GPATCH8: variants seen among roughly 807,000 people sequenced by gnomAD.
The protein encoded by GPATCH8 is G-patch domain containing 8.
GPATCH8 carries 18 observed loss-of-function variants against 118.3 expected under a neutral mutation model. The ratio of observed to expected loss-of-function variants is 0.15; its 90% CI spans 0.11 to 0.23. GPATCH8 has a LOEUF of 0.23. Among genes scored for constraint, GPATCH8 ranks in the 10% least tolerant of loss-of-function variants. The pLI, the probability that GPATCH8 is intolerant of heterozygous loss-of-function variation, is 1.00. For missense variants in GPATCH8, 1,631 were observed against 1,873.8 expected, an observed-to-expected ratio of 0.87 and a Z score of 2.39; for synonymous variants, 659 against 684.7, an observed-to-expected ratio of 0.96 and a Z score of 0.59.
At chr17:44,502,170 A>G (rs775579755) in intron 1 of GPATCH8, among the ~76,000 whole-genome samples, 1 of 152,084 alleles carries the variant, frequency 6.6e-6, no homozygotes, top group Non-Finnish European at 1.5e-5. Flanking sequence ...AAATTGTTAA[A>G]CTGCTTTACC....
intron 2 of GPATCH8, 182 bp downstream of exon 2, chr17:44,474,646 TC>T (rs1227091276): frequency 5.9e-6 from 4 of 683,226 alleles, no homozygotes; most frequent in Admixed American, 2.1e-5. Flanking sequence ...TGGACTGATT[TC>T]CCAACATATT....
chr17:44,445,447 T>C (rs747549039), intron 3 of GPATCH8, among the ~76,000 whole-genome samples: 55 of 152,088 alleles, frequency 3.6e-4, no homozygotes, highest in Non-Finnish European at 6.3e-4. Context: ...CCTATATACA[T>C]GTAGGTAGAC....
intron 6 of GPATCH8, among the ~76,000 whole-genome samples, chr17:44,421,009 C>T (rs1031621777): frequency 6.6e-6 from 1 of 152,028 alleles, no homozygotes; most frequent in East Asian, 2.0e-4. Context: ...GGCCACCACG[C>T]CTGGCTAATT....
At chr17:44,444,834 A>G (rs1350044891) in intron 3 of GPATCH8, among the ~76,000 whole-genome samples, 1 of 152,204 alleles carries the variant, frequency 6.6e-6, no homozygotes, top group Admixed American at 6.5e-5. Context: ...GTTTATATCC[A>G]TATCTGACAC....
At chr17:44,498,149 G>T (rs1342560091) in intron 1 of GPATCH8, among the ~76,000 whole-genome samples, 1 of 152,098 alleles carries the variant, frequency 6.6e-6, no homozygotes, top group Non-Finnish European at 1.5e-5. Context: ...GAGAAACTGT[G>T]ATGAAAGAAT....
Position 44,401,140 on chromosome 17 carries a change from C to G in GPATCH8, c.937G>C (p.Glu313Gln). ...SFAKKAPVKL[E>Q]SIASVFKDHA... ...TCCTTGAAAACTGATGCTATTGATTCGAGTTTGACAGGAGCCTTTTTGGCA... is the reference window on the plus strand; with the variant it reads ...TCCTTGAAAACTGATGCTATTGATTGGAGTTTGACAGGAGCCTTTTTGGCA... Residue 313 changes from glutamate (E) to glutamine (Q), a missense_variant, in exon 8 of 8, where the codon GAA becomes CAA. Transcript: ENST00000591680. The G allele has an allele frequency of 6.2e-7, 1 of 1,614,080 alleles. No individual in the cohort carries two copies. The highest frequency in any genetic ancestry group is 8.5e-7 in the Non-Finnish European group (1 of 1,179,986).
intron 7 of GPATCH8, among the ~76,000 whole-genome samples, chr17:44,403,468 C>G (rs1272795843): frequency 6.6e-6 from 1 of 152,158 alleles, no homozygotes; most frequent in Non-Finnish European, 1.5e-5. Context: ...ATCCTCCTGC[C>G]TCTGTGTCAC....
At position 44,399,907 on chromosome 17, in the gene GPATCH8, G is replaced by C. The variant is rs181814284; in HGVS notation, c.2170C>G (p.Pro724Ala). 140 of 1,613,872 alleles carry C rather than the reference G, an allele frequency of 8.7e-5. 2 individuals carry two copies. In the East Asian group the frequency reaches 3.1e-3, roughly 36 times the overall value. The change falls in exon 8 of 8, where the codon CCA becomes GCA. Residue 724 changes from proline (P) to alanine (A), a missense_variant. Pro to Ala is a conservative substitution (Grantham distance 27, BLOSUM62 -1). This residue lies in a region of GPATCH8 where 922 missense variants were observed against 879.7 expected (regional missense o/e 1.05). Coordinates refer to ENST00000591680, the MANE Select transcript of GPATCH8 (RefSeq NM_001002909.4). ...TTGGGTCCTCGTTCAGAATCTGCTG[G>C]GGCTGATGACTTATTCTTCTTTCGT... Reference protein sequence around the residue: ...RKRKKNKSSAPADSERGPKPE... With the variant: ...RKRKKNKSSAAADSERGPKPE...
At chr17:44,426,850 TCTC>T (rs2050107994) in intron 5 of GPATCH8, among the ~76,000 whole-genome samples, 1 of 28,114 alleles carries the variant, frequency 3.6e-5, no homozygotes. Context: ...ACACACACAC[TCTC>T]TCTCTCTCTC....
chr17:44,418,396 T>C (rs1405181442), intron 6 of GPATCH8, among the ~76,000 whole-genome samples: 2 of 151,566 alleles, frequency 1.3e-5, no homozygotes, highest in Non-Finnish European at 2.9e-5. Flanking sequence ...ATCTGTAGTA[T>C]CAAATTTGTC....
At chr17:44,407,356 G>C (rs1225168746) in intron 6 of GPATCH8, 1 of 152,018 alleles carries the variant, frequency 6.6e-6, no homozygotes, top group Admixed American at 6.5e-5. Flanking sequence ...TACTACACGA[G>C]CTCTCTTAGT....
At chr17:44,450,292 T>TAA (rs2051065614) in intron 3 of GPATCH8, among the ~76,000 whole-genome samples, 1 of 152,218 alleles carries the variant, frequency 6.6e-6, no homozygotes, top group Admixed American at 6.5e-5. Flanking sequence ...CCTGGCTGCT[T>TAA]TTAACAATTT....
chr17:44,416,563 TTAAAA>T (rs1410362666), intron 6 of GPATCH8, among the ~76,000 whole-genome samples: 1 of 152,202 alleles, frequency 6.6e-6, no homozygotes, highest in Non-Finnish European at 1.5e-5. Context: ...CTATAGGTTA[TTAAAA>T]TAAAACTACA....
intron 3 of GPATCH8, among the ~76,000 whole-genome samples, chr17:44,445,421 A>C (rs2050840421): frequency 6.6e-6 from 1 of 152,166 alleles, no homozygotes; most frequent in African/African-American, 2.4e-5. Flanking sequence ...GGCTTCCTTC[A>C]AGTACCCAGT....
rs866975666 is a variant in GPATCH8 at position 44,463,331 on chromosome 17, C to A, written c.193+1141G>T. 4.6e-5 allele frequency among the ~76,000 whole-genome samples: 7 copies of A among 152,168 alleles called. No individual in the cohort carries two copies. The South Asian group carries it at 1.4e-3, about 32-fold the overall frequency. ...AGTAGCACACTTCTCCCCAAAGATG[C>A]CTATTATACAATAAGCTCCCGCATG... On this transcript the variant is annotated intron_variant, in intron 3 of 7. Transcript: ENST00000591680.
At chr17:44,454,814 A>G (rs1452214917) in intron 3 of GPATCH8, among the ~76,000 whole-genome samples, 1 of 152,148 alleles carries the variant, frequency 6.6e-6, no homozygotes, top group East Asian at 1.9e-4. Flanking sequence ...CCTCTTCTCT[A>G]TAGTTTATAT....
At chr17:44,431,958 G>C (rs548615028) in intron 5 of GPATCH8, among the ~76,000 whole-genome samples, 2 of 152,006 alleles carry the variant, frequency 1.3e-5, no homozygotes, top group Admixed American at 1.3e-4. Flanking sequence ...TGATGAAAAG[G>C]AAGCAGTCAG....
chr17:44,495,825 C>T (rs1009229375), intron 1 of GPATCH8, among the ~76,000 whole-genome samples: 1 of 152,158 alleles, frequency 6.6e-6, no homozygotes, highest in Non-Finnish European at 1.5e-5. Flanking sequence ...AAATTACTGA[C>T]ACTACAGCAT....
intron 1 of GPATCH8, among the ~76,000 whole-genome samples, chr17:44,499,633 C>T (rs1969914063): frequency 6.6e-6 from 1 of 152,160 alleles, no homozygotes; most frequent in African/African-American, 2.4e-5. Flanking sequence ...TTAATGGCAC[C>T]GTATAGCTAG....
Sources: allele counts gnomAD v4.1 joint callset (sites outside exome capture counted in the v4.1 genomes callset), GRCh38; gene constraint gnomAD v4.1.1; regional missense constraint gnomAD v4.1.1; transcripts MANE v1.5; gene names NCBI Gene and HGNC (gene_info 2026-07-23, HGNC 2026-07-21).